LIPI: variants seen among roughly 807,000 people sequenced by gnomAD.
LIPI encodes the protein lipase I.
Under a neutral mutation model 50.6 loss-of-function variants are expected in LIPI, and 59 were observed. That is an observed-to-expected ratio of 1.16 (90% confidence interval 0.94 to 1.45). LIPI has a LOEUF of 1.45. Ranked by LOEUF, LIPI falls within the 40% of genes most tolerant of loss-of-function variation. The pLI, the probability that LIPI is intolerant of heterozygous loss-of-function variation, is 0.00. For missense variants in LIPI, 586 were observed against 536.3 expected (o/e 1.09, Z -0.92); for synonymous variants, 203 against 178.2 (o/e 1.14, Z -1.11).
intron 9 of LIPI, among the ~76,000 whole-genome samples, chr21:14,135,328 A>T (rs2017451773): frequency 6.6e-6 from 1 of 152,174 alleles, no homozygotes; most frequent in Non-Finnish European, 1.5e-5. Context: ...ACGGAAAAAA[A>T]CACCTTCATA....
chr21:14,165,303 G>C lies in LIPI; in HGVS notation c.821C>G (p.Pro274Arg). The C allele has an allele frequency of 1.2e-6, 2 of 1,611,794 alleles. No individual in the cohort carries two copies. The highest frequency in any genetic ancestry group is 2.7e-5 in the African/African-American group (2 of 74,878). ...LETNCNFISF[P>R]CRSYKDYKTS... ...CTTGTAATCTTTGTATGAACGACAA[G>C]GAAATGAAATAAAATTGCAGTTTGT... The change falls in exon 6 of 10, where the codon CCT (proline) becomes CGT (arginine). Residue 274 changes from proline to arginine, a missense_variant. By Grantham distance (103) the Pro-to-Arg change is moderately radical. Coordinates refer to ENST00000681601, the MANE Select transcript of LIPI (RefSeq NM_001302998.2).
At chr21:14,165,522 G>T in intron 5 of LIPI, 132 bp from the exon 6 acceptor site, 4 of 635,308 alleles carry the variant, frequency 6.3e-6, no homozygotes, top group South Asian at 1.9e-5. Flanking sequence ...ATAATACACA[G>T]TTTTATGTCA....
At chr21:14,141,308 A>G (rs2017698312) in intron 9 of LIPI, among the ~76,000 whole-genome samples, 1 of 151,758 alleles carries the variant, frequency 6.6e-6, no homozygotes. Context: ...TCTATAAGTT[A>G]TTGATAAATA....
At chr21:14,149,748 G>A (rs1019290121) in intron 8 of LIPI, among the ~76,000 whole-genome samples, 1 of 152,320 alleles carries the variant, frequency 6.6e-6, no homozygotes, top group Admixed American at 6.5e-5. Context: ...AAACCCTAAA[G>A]TTCCAAAATG....
intron 9 of LIPI, among the ~76,000 whole-genome samples, chr21:14,128,120 T>C (rs2017139451): frequency 6.6e-6 from 1 of 152,050 alleles, no homozygotes; most frequent in Non-Finnish European, 1.5e-5. Flanking sequence ...GTAGGCTGAA[T>C]GATGTATACA....
At chr21:14,179,706 T>G (rs1421730932) in intron 4 of LIPI, among the ~76,000 whole-genome samples, 1 of 152,190 alleles carries the variant, frequency 6.6e-6, no homozygotes, top group Non-Finnish European at 1.5e-5. Context: ...CTTATGCCTG[T>G]CTTTACTTTA....
intron 1 of LIPI, among the ~76,000 whole-genome samples, chr21:14,203,469 T>G (rs1274653010): frequency 1.3e-5 from 2 of 151,880 alleles, no homozygotes; most frequent in African/African-American, 4.8e-5. Flanking sequence ...ATTAAGAAAA[T>G]GTGGCACATA....
intron 9 of LIPI, among the ~76,000 whole-genome samples, chr21:14,127,149 C>A (rs1185314023): frequency 6.6e-6 from 1 of 152,166 alleles, no homozygotes; most frequent in Admixed American, 6.5e-5. Context: ...CTATCACAGT[C>A]TGTTACAAAA....
intron 7 of LIPI, 112 bp from the exon 8 acceptor site, chr21:14,152,796 C>T: frequency 1.7e-6 from 1 of 578,240 alleles, no homozygotes; most frequent in Non-Finnish European, 3.1e-6. Flanking sequence ...AATCTAGGCT[C>T]ATATTACATA....
chr21:14,146,300 A>T (rs982636951), intron 8 of LIPI, among the ~76,000 whole-genome samples: 1 of 151,966 alleles, frequency 6.6e-6, no homozygotes, highest in Non-Finnish European at 1.5e-5. Flanking sequence ...AAAAAAAAAA[A>T]TACTAAAACT....
chr21:14,154,979 A>G (rs1220053145), intron 7 of LIPI, among the ~76,000 whole-genome samples: 1 of 152,074 alleles, frequency 6.6e-6, no homozygotes, highest in South Asian at 2.1e-4. Flanking sequence ...TAACCCTGAG[A>G]TAAATTAGAT....
At chr21:14,171,574 T>G (rs891807937) in intron 4 of LIPI, among the ~76,000 whole-genome samples, 1 of 150,376 alleles carries the variant, frequency 6.6e-6, no homozygotes, top group Non-Finnish European at 1.5e-5. Flanking sequence ...TATCTACAAC[T>G]ATCTGATCTT....
chr21:14,133,916 A>G (rs1483451974), intron 9 of LIPI, among the ~76,000 whole-genome samples: 1 of 152,184 alleles, frequency 6.6e-6, no homozygotes, highest in East Asian at 1.9e-4. Context: ...AATATAGTTA[A>G]TCAAGGAGGT....
rs554016120 is a variant in LIPI at position 14,119,018 on chromosome 21, A to G, written c.1296-9938T>C. Among the ~76,000 whole-genome samples, 19 of 152,326 alleles carry G rather than the reference A, an allele frequency of 1.2e-4. 2 individuals are homozygous for G. The highest frequency in any genetic ancestry group is 1.2e-3 in the South Asian group (6 of 4,830). On this transcript the variant is annotated intron_variant, in intron 9 of 9. Transcript: ENST00000681601. Reference sequence around the variant, plus strand: ...TGCTATTGTGCCTAACCTGTACGCTATGCTTGCACAAATACCTGCTAGTGC... The same window carrying G: ...TGCTATTGTGCCTAACCTGTACGCTGTGCTTGCACAAATACCTGCTAGTGC...
At chr21:14,133,687 ATC>A (rs777932757) in intron 9 of LIPI, among the ~76,000 whole-genome samples, 6 of 152,190 alleles carry the variant, frequency 3.9e-5, no homozygotes, top group Non-Finnish European at 7.3e-5. Context: ...AAGTAAAATT[ATC>A]TCTGTTTGCT....
intron 4 of LIPI, among the ~76,000 whole-genome samples, chr21:14,170,040 C>T (rs1407985986): frequency 1.3e-5 from 2 of 151,988 alleles, no homozygotes; most frequent in Admixed American, 1.3e-4. Context: ...ATATCACCAC[C>T]CATCCCACAG....
intron 9 of LIPI, among the ~76,000 whole-genome samples, chr21:14,116,785 G>A (rs1357934091): frequency 1.3e-5 from 2 of 152,110 alleles, no homozygotes; most frequent in East Asian, 1.9e-4. Context: ...GAAGATTATT[G>A]TAAGACTCTA....
Position 14,109,037 on chromosome 21 carries a change from C to T in LIPI, c.1339G>A (p.Glu447Lys), listed in dbSNP as rs753936672. The change falls in exon 10 of 10, where the codon GAA (glutamate) becomes AAA (lysine). Residue 447 changes from glutamate (E) to lysine (K), a missense_variant. By Grantham distance (56) the Glu-to-Lys change is moderately conservative (BLOSUM62 1). Transcript: ENST00000681601. ...RYNIVLKDRE[E>K]VFLNPNTCTP... Reference sequence around the variant, plus strand: ...CATGTGTTTGGATTAAGAAACACTTCCTCTCTGTCTTTAAGTACAATATTA... The same window carrying T: ...CATGTGTTTGGATTAAGAAACACTTTCTCTCTGTCTTTAAGTACAATATTA... 1.8e-5 allele frequency: 28 copies of T among 1,596,726 alleles called. 1 individual carries two copies. In the East Asian group the frequency reaches 6.3e-4, roughly 36 times the overall value.
chr21:14,129,895 A>G (rs908793373), intron 9 of LIPI, among the ~76,000 whole-genome samples: 1 of 151,808 alleles, frequency 6.6e-6, no homozygotes, highest in African/African-American at 2.4e-5. Flanking sequence ...ATAGAAAAAC[A>G]TACATATGGT....
Sources: gnomAD v4.1 joint callset for allele counts (sites outside exome capture counted in the v4.1 genomes callset) on GRCh38, gnomAD v4.1.1 for gene constraint, MANE v1.5 for transcripts, NCBI Gene and HGNC (gene_info 2026-07-23, HGNC 2026-07-21) for gene names.